Variants in APBA1 observed in about 807,000 individuals in gnomAD.
APBA1 encodes amyloid-beta A4 precursor protein-binding family A member 1.
Under a neutral mutation model 86.6 loss-of-function variants are expected in APBA1, and 55 were observed. The ratio of observed to expected loss-of-function variants is 0.64; its 90% CI spans 0.51 to 0.80. The LOEUF (loss-of-function observed/expected upper bound fraction) is 0.80, where lower values mean the gene tolerates loss of function less well. Among genes scored for constraint, APBA1 ranks in the 30% least tolerant of loss-of-function variants. APBA1 has a pLI of 0.00. For synonymous variants in APBA1, 511 were observed against 493.9 expected (o/e 1.03, Z -0.46); for missense variants, 1,090 against 1,183.0 (o/e 0.92, Z 1.15).
chr9:69,454,743 G>C (rs1432643405), intron 8 of APBA1, among the ~76,000 whole-genome samples: 1 of 152,160 alleles, frequency 6.6e-6, no homozygotes, highest in Non-Finnish European at 1.5e-5. Flanking sequence ...GCCAGATGGA[G>C]GTAGCAGCGG....
At chr9:69,441,568 T>C (rs1339262653) in intron 10 of APBA1, among the ~76,000 whole-genome samples, 1 of 152,212 alleles carries the variant, frequency 6.6e-6, no homozygotes, top group African/African-American at 2.4e-5. Flanking sequence ...ACAAAGGACA[T>C]CTAACTCACA....
chr9:69,596,297 A>G lies in APBA1; in HGVS notation c.-70+75856T>C, dbSNP rs145985194. Among the ~76,000 whole-genome samples the G allele has an allele frequency of 8.1e-3, 1,228 of 152,096 alleles. 9 individuals are homozygous for G. Among genetic ancestry groups the G allele is most frequent in the Middle Eastern group, 0.041 (12 of 294 alleles). ...CCACTGTGCCTGGCACTTTTTATCT[A>G]TTTATATGTTGGGATTCTGCTGATA... is the stretch of plus-strand genomic sequence containing the variant. On this transcript the variant is annotated intron_variant, in intron 1 of 12. Coordinates refer to ENST00000265381, the MANE Select transcript of APBA1 (RefSeq NM_001163.4).
intron 1 of APBA1, among the ~76,000 whole-genome samples, chr9:69,662,621 G>C (rs1438254378): frequency 6.6e-6 from 1 of 152,222 alleles, no homozygotes; most frequent in East Asian, 1.9e-4. Context: ...ATTTGGAAGG[G>C]AAGTGGGCGT....
At chr9:69,433,011 T>C (rs539826088) in intron 11 of APBA1, among the ~76,000 whole-genome samples, 13 of 152,302 alleles carry the variant, frequency 8.5e-5, no homozygotes, top group African/African-American at 2.9e-4. Context: ...TGTCAGCCTG[T>C]GTGACACAGG....
At chr9:69,644,524 T>C (rs991604869) in intron 1 of APBA1, among the ~76,000 whole-genome samples, 1 of 152,240 alleles carries the variant, frequency 6.6e-6, no homozygotes, top group Non-Finnish European at 1.5e-5. Flanking sequence ...CATGAATGGC[T>C]TTCCCCATTC....
chr9:69,518,495 C>T (rs1383888513), intron 1 of APBA1, among the ~76,000 whole-genome samples: 2 of 152,026 alleles, frequency 1.3e-5, no homozygotes, highest in Non-Finnish European at 2.9e-5. Flanking sequence ...ACTTGTAGCT[C>T]GAGAGAAAGA....
chr9:69,576,241 C>A (rs1276461745), intron 1 of APBA1, among the ~76,000 whole-genome samples: 2 of 152,124 alleles, frequency 1.3e-5, no homozygotes, highest in Non-Finnish European at 2.9e-5. Flanking sequence ...GAAATAGGAA[C>A]ACTTTTACAC....
At chr9:69,471,829 G>A (rs1050353627) in intron 3 of APBA1, 134 bp from the exon 4 acceptor site, 2 of 704,080 alleles carry the variant, frequency 2.8e-6, no homozygotes, top group Non-Finnish European at 4.8e-6. Context: ...TTTAGTTAGA[G>A]AAAGTAAAGT....
chr9:69,562,221 T>A (rs1836957298), intron 1 of APBA1, among the ~76,000 whole-genome samples: 1 of 152,168 alleles, frequency 6.6e-6, no homozygotes, highest in Non-Finnish European at 1.5e-5. Flanking sequence ...CTATTATGTG[T>A]CAGTTATAAT....
chr9:69,654,435 C>T (rs573518085), intron 1 of APBA1, among the ~76,000 whole-genome samples: 47 of 152,094 alleles, frequency 3.1e-4, no homozygotes, highest in Non-Finnish European at 6.3e-4. Flanking sequence ...AGGAATACTC[C>T]AGTTAGGAGC....
chr9:69,502,663 TG>T (rs1442164952), intron 2 of APBA1, among the ~76,000 whole-genome samples: 1 of 152,094 alleles, frequency 6.6e-6, no homozygotes, highest in African/African-American at 2.4e-5. Context: ...AGTTGCAGAA[TG>T]GGCCATTAAA....
chr9:69,488,864 T>C (rs1835654098), intron 2 of APBA1, among the ~76,000 whole-genome samples: 1 of 152,074 alleles, frequency 6.6e-6, no homozygotes, highest in Non-Finnish European at 1.5e-5. Context: ...AAATCATGAG[T>C]GAACTCCCAT....
chr9:69,657,792 A>G (rs1168939203), intron 1 of APBA1, among the ~76,000 whole-genome samples: 2 of 152,232 alleles, frequency 1.3e-5, no homozygotes, highest in Non-Finnish European at 2.9e-5. Context: ...TCCTGGTTTA[A>G]CGTGACAAAT....
At chr9:69,528,968 T>C (rs961653572) in intron 1 of APBA1, among the ~76,000 whole-genome samples, 4 of 152,108 alleles carry the variant, frequency 2.6e-5, no homozygotes, top group Non-Finnish European at 5.9e-5. Context: ...GCTATTGTTA[T>C]GTTTACAGAT....
intron 1 of APBA1, among the ~76,000 whole-genome samples, chr9:69,556,936 G>A (rs189762241): frequency 2.6e-5 from 4 of 152,230 alleles, no homozygotes; most frequent in Admixed American, 6.5e-5. Context: ...GGATCGCTGC[G>A]TTTCATCAGC....
chr9:69,630,303 C>T (rs1042900543), intron 1 of APBA1, among the ~76,000 whole-genome samples: 3 of 152,082 alleles, frequency 2.0e-5, no homozygotes, highest in African/African-American at 7.2e-5. Context: ...TGGGCAGGGA[C>T]CAGATCGCAC....
At chr9:69,607,363 G>C (rs1036240141) in intron 1 of APBA1, among the ~76,000 whole-genome samples, 6 of 152,094 alleles carry the variant, frequency 3.9e-5, no homozygotes, top group Non-Finnish European at 8.8e-5. Flanking sequence ...CATGAGAACA[G>C]CATGGGAAGG....
At chr9:69,607,023 C>G (rs1822489999) in intron 1 of APBA1, among the ~76,000 whole-genome samples, 1 of 152,086 alleles carries the variant, frequency 6.6e-6, no homozygotes, top group African/African-American at 2.4e-5. Flanking sequence ...TAAAGAAACC[C>G]CCATAATTCT....
intron 1 of APBA1, among the ~76,000 whole-genome samples, chr9:69,666,126 G>A (rs1335539491): frequency 6.6e-6 from 1 of 152,128 alleles, no homozygotes; most frequent in Non-Finnish European, 1.5e-5. Flanking sequence ...ACAGCCTTAT[G>A]GGCAAACAAT....
Sources: gnomAD v4.1 joint callset for allele counts (sites outside exome capture counted in the v4.1 genomes callset) on GRCh38, gnomAD v4.1.1 for gene constraint, MANE v1.5 for transcripts, NCBI Gene and HGNC (gene_info 2026-07-23, HGNC 2026-07-21) for gene names.